MSRA: variants seen among roughly 807,000 people sequenced by gnomAD.
MSRA encodes mitochondrial peptide methionine sulfoxide reductase.
MSRA carries 54 observed loss-of-function variants against 31.3 expected under a neutral mutation model. The ratio of observed to expected loss-of-function variants is 1.73; its 90% CI spans 1.39 to 2.17. The LOEUF is 2.17. Ranked by LOEUF, MSRA falls within the 30% of genes most tolerant of loss-of-function variation. The pLI, the probability that MSRA is intolerant of heterozygous loss-of-function variation, is 0.00. For synonymous variants in MSRA, 169 were observed against 116.5 expected, an observed-to-expected ratio of 1.45 and a Z score of -2.90; for missense variants, 507 against 300.9, an observed-to-expected ratio of 1.69 and a Z score of -5.07.
intron 1 of MSRA, among the ~76,000 whole-genome samples, chr8:10,167,069 C>T (rs981961685): frequency 7.2e-5 from 11 of 152,152 alleles, no homozygotes; most frequent in Non-Finnish European, 1.3e-4. Flanking sequence ...GCTAATGATG[C>T]CCTTTTCATT....
intron 1 of MSRA, among the ~76,000 whole-genome samples, chr8:10,104,540 G>A (rs769833092): frequency 8.3e-4 from 127 of 152,142 alleles, no homozygotes; most frequent in Admixed American, 1.0e-3. Flanking sequence ...TTTGATTGGC[G>A]ACTGGTTGAA....
intron 5 of MSRA, among the ~76,000 whole-genome samples, chr8:10,402,345 G>A (rs147703129): frequency 2.7e-4 from 41 of 152,352 alleles, no homozygotes; most frequent in South Asian, 1.2e-3. Context: ...ACAGAGAACC[G>A]TGACAGGCCT....
intron 2 of MSRA, among the ~76,000 whole-genome samples, chr8:10,212,483 G>A (rs1424526457): frequency 6.6e-6 from 1 of 152,078 alleles, no homozygotes; most frequent in Non-Finnish European, 1.5e-5. Flanking sequence ...GACATAGATT[G>A]GATTGTATAT....
chr8:10,321,943 A>T (rs997775257), intron 5 of MSRA, among the ~76,000 whole-genome samples: 1 of 152,206 alleles, frequency 6.6e-6, no homozygotes, highest in Non-Finnish European at 1.5e-5. Flanking sequence ...ATATACTTTG[A>T]AGCTGCTAAG....
At chr8:10,329,844 G>C (rs1401690958) in intron 5 of MSRA, among the ~76,000 whole-genome samples, 2 of 151,816 alleles carry the variant, frequency 1.3e-5, no homozygotes, top group Non-Finnish European at 2.9e-5. Flanking sequence ...GTTTTGAAGA[G>C]AGGTGAAAAT....
chr8:10,260,365 C>T (rs1311382266), intron 3 of MSRA, among the ~76,000 whole-genome samples: 1 of 152,040 alleles, frequency 6.6e-6, no homozygotes, highest in African/African-American at 2.4e-5. Context: ...GCTGCAGGAG[C>T]CTGAGATGGA....
At chr8:10,248,173 C>G (rs1156893380) in intron 3 of MSRA, among the ~76,000 whole-genome samples, 2 of 152,194 alleles carry the variant, frequency 1.3e-5, no homozygotes, top group African/African-American at 2.4e-5. Flanking sequence ...CTAGTCTGTA[C>G]TCTAGTATCT....
intron 5 of MSRA, among the ~76,000 whole-genome samples, chr8:10,370,526 A>T (rs568322788): frequency 6.6e-6 from 1 of 152,352 alleles, no homozygotes; most frequent in South Asian, 2.1e-4. Flanking sequence ...TTAATCATTT[A>T]TTCATCCAGC....
At chr8:10,367,934 C>G (rs1286072344) in intron 5 of MSRA, among the ~76,000 whole-genome samples, 1 of 152,166 alleles carries the variant, frequency 6.6e-6, no homozygotes, top group African/African-American at 2.4e-5. Flanking sequence ...AGGGTGTGCT[C>G]ACTTACTCCA....
intron 3 of MSRA, among the ~76,000 whole-genome samples, chr8:10,266,246 A>G (rs758052707): frequency 2.6e-5 from 4 of 152,184 alleles, no homozygotes; most frequent in Admixed American, 6.5e-5. Flanking sequence ...TCACTTGCTC[A>G]TTAGCAGTTG....
At position 10,234,752 on chromosome 8, in the gene MSRA, G is replaced by C. The variant is rs192752621; in HGVS notation, c.212-10352G>C. 1.9e-3 allele frequency among the ~76,000 whole-genome samples: 285 copies of C among 151,956 alleles called. 1 individual carries two copies. The highest frequency in any genetic ancestry group is 6.4e-3 in the African/African-American group (267 of 41,494). On this transcript the variant is annotated intron_variant, in intron 2 of 5. Transcript: ENST00000317173. Reference sequence around the variant, plus strand: ...AAAAAAGAAGACTGGGAAAACATACGCCTGGTAAATGAATACAAAAAAGGT... The same window carrying C: ...AAAAAAGAAGACTGGGAAAACATACCCCTGGTAAATGAATACAAAAAAGGT...
intron 1 of MSRA, among the ~76,000 whole-genome samples, chr8:10,056,221 A>C (rs861498): frequency 1.3e-5 from 2 of 149,106 alleles, no homozygotes; most frequent in African/African-American, 2.5e-5. Context: ...AAAAAAAAAA[A>C]CCCCAAATAA....
At chr8:10,257,682 C>T (rs928507212) in intron 3 of MSRA, among the ~76,000 whole-genome samples, 1 of 152,180 alleles carries the variant, frequency 6.6e-6, no homozygotes, top group Non-Finnish European at 1.5e-5. Context: ...CCTCAATGGC[C>T]TCCCATTTGA....
At chr8:10,246,963 G>T (rs569302467) in intron 3 of MSRA, among the ~76,000 whole-genome samples, 12 of 152,242 alleles carry the variant, frequency 7.9e-5, no homozygotes, top group African/African-American at 2.9e-4. Flanking sequence ...AATTCCAGAC[G>T]TGACTTAATG....
At chr8:10,082,788 G>A (rs773472383) in intron 1 of MSRA, among the ~76,000 whole-genome samples, 72 of 152,198 alleles carry the variant, frequency 4.7e-4, no homozygotes, top group Non-Finnish European at 9.0e-4. Flanking sequence ...TATTCCACCC[G>A]CTCCTCGTGT....
intron 1 of MSRA, among the ~76,000 whole-genome samples, chr8:10,194,167 G>A (rs1292061720): frequency 6.6e-6 from 1 of 152,054 alleles, no homozygotes; most frequent in African/African-American, 2.4e-5. Flanking sequence ...CTCCTCCAAA[G>A]TAAAAAAGGG....
At chr8:10,196,237 G>C (rs1041631626) in intron 1 of MSRA, among the ~76,000 whole-genome samples, 2 of 152,198 alleles carry the variant, frequency 1.3e-5, no homozygotes, top group Non-Finnish European at 2.9e-5. Context: ...CTCTAGAAAC[G>C]TGTGCCACCT....
At chr8:10,355,863 G>T (rs1804477564) in intron 5 of MSRA, among the ~76,000 whole-genome samples, 1 of 152,200 alleles carries the variant, frequency 6.6e-6, no homozygotes, top group African/African-American at 2.4e-5. Context: ...TGGAGGTCTA[G>T]AGATAAGGAG....
chr8:10,393,019 G>A (rs1046259197), intron 5 of MSRA, among the ~76,000 whole-genome samples: 107 of 134,742 alleles, frequency 7.9e-4, no homozygotes, highest in African/African-American at 2.6e-3. Flanking sequence ...CCGAGATAGC[G>A]CCGCTGCACT....
Sources: gnomAD v4.1 joint callset for allele counts (sites outside exome capture counted in the v4.1 genomes callset) on GRCh38, gnomAD v4.1.1 for gene constraint, MANE v1.5 for transcripts, NCBI Gene and HGNC (gene_info 2026-07-23, HGNC 2026-07-21) for gene names.